The following EXOC1 variants were observed in gnomAD, a reference collection of about 807,000 sequenced individuals.
EXOC1 encodes exocyst complex component 1.
EXOC1 carries 67 observed loss-of-function variants against 107.7 expected under a neutral mutation model. That is an observed-to-expected ratio of 0.62 (90% confidence interval 0.51 to 0.76). EXOC1 has a LOEUF of 0.76. Ranked by LOEUF, EXOC1 falls within the 30% of genes least tolerant of loss-of-function variation. The pLI is 0.00. For synonymous variants in EXOC1, 348 were observed against 353.5 expected (o/e 0.98, Z 0.17); for missense variants, 833 against 1,055.7 (o/e 0.79, Z 2.92).
intron 1 of EXOC1, among the ~76,000 whole-genome samples, chr4:55,854,811 A>G (rs960919962): frequency 6.6e-6 from 1 of 152,220 alleles, no homozygotes; most frequent in Admixed American, 6.5e-5. Context: ...TTTACTATTC[A>G]GTTCTAATTA....
At chr4:55,880,680 T>G (rs1723305129) in intron 9 of EXOC1, among the ~76,000 whole-genome samples, 1 of 152,224 alleles carries the variant, frequency 6.6e-6, no homozygotes, top group Non-Finnish European at 1.5e-5. Flanking sequence ...TTGCCCTATC[T>G]TTATATATAA....
intron 5 of EXOC1, 98 bp downstream of exon 5, chr4:55,868,621 G>A (rs1722161975): frequency 4.9e-6 from 5 of 1,026,654 alleles, no homozygotes; most frequent in South Asian, 4.1e-5. Flanking sequence ...AGCCTTTATA[G>A]TGTGTTATTG....
chr4:55,864,124 C>T, intron 3 of EXOC1, 103 bp from the exon 4 acceptor site: 1 of 727,864 alleles, frequency 1.4e-6, no homozygotes, highest in Non-Finnish European at 2.2e-6. Flanking sequence ...ATTTTTAATA[C>T]TCTTCATTTT....
At chr4:55,881,349 CAT>C (rs956297531) in intron 9 of EXOC1, among the ~76,000 whole-genome samples, 2 of 152,154 alleles carry the variant, frequency 1.3e-5, no homozygotes, top group African/African-American at 4.8e-5. Context: ...AGATGACTCA[CAT>C]GTCTTCTCTC....
intron 8 of EXOC1, chr4:55,872,866 G>T: frequency 1.4e-6 from 1 of 726,334 alleles, no homozygotes; most frequent in Non-Finnish European, 1.7e-6. Flanking sequence ...TTTCTATAAA[G>T]TTTGCTAAAC....
At chr4:55,868,016 T>C (rs879447167) in intron 4 of EXOC1, among the ~76,000 whole-genome samples, 6 of 152,208 alleles carry the variant, frequency 3.9e-5, no homozygotes, top group Non-Finnish European at 4.4e-5. Context: ...TTAGGTTTGT[T>C]CCCACCTGTT....
intron 3 of EXOC1, among the ~76,000 whole-genome samples, chr4:55,862,521 T>C (rs1721572897): frequency 6.6e-6 from 1 of 152,236 alleles, no homozygotes; most frequent in African/African-American, 2.4e-5. Flanking sequence ...TCAAGTTTCA[T>C]ATTGGTTGCC....
At chr4:55,870,983 T>A in intron 6 of EXOC1, 78 bp downstream of exon 6, 1 of 1,546,388 alleles carries the variant, frequency 6.5e-7, no homozygotes, top group Non-Finnish European at 8.8e-7. Flanking sequence ...TTTTTTAATT[T>A]CCTTGTGAGA....
In EXOC1 at chr4:55,888,873, C is replaced by T. The variant is rs1322721005; in HGVS notation, c.1331-15C>T. On this transcript the variant is annotated splice_polypyrimidine_tract_variant and intron_variant, in intron 10 of 18. Coordinates refer to ENST00000381295, the MANE Select transcript of EXOC1 (RefSeq NM_001024924.2). Reference sequence around the variant, plus strand: ...TTGTCTTTGTCTTTGATGCTTGCAACCTAATCCATCACAGCTACACTGCCT... The same window carrying T: ...TTGTCTTTGTCTTTGATGCTTGCAATCTAATCCATCACAGCTACACTGCCT... 1.2e-6 allele frequency: 2 copies of T among 1,613,180 alleles called. No individual in the cohort carries two copies. Among genetic ancestry groups the T allele is most frequent in the Admixed American group, 3.3e-5 (2 of 59,942 alleles).
intron 2 of EXOC1, 91 bp from the exon 3 acceptor site, chr4:55,860,320 T>TA (rs1721355177): frequency 6.6e-7 from 1 of 1,505,434 alleles, no homozygotes. Context: ...TATCAGCTAC[T>TA]AGGCACCTGA....
In EXOC1 at chr4:55,899,666, T is replaced by G. The variant is rs1725667275; in HGVS notation, c.2138-19T>G. ...TCATACTCAGAGATGTTATTTTATT[T>G]TTTCTGTTTTGGTTTTAGTGGAGAA... On this transcript the variant is annotated intron_variant, in intron 16 of 18. Transcript: ENST00000381295. 1.9e-6 allele frequency: 3 copies of G among 1,595,288 alleles called. No homozygotes were observed. Among genetic ancestry groups the G allele is most frequent in the Non-Finnish European group, 2.6e-6 (3 of 1,172,428 alleles).
In EXOC1 at chr4:55,890,289, G is replaced by C; in HGVS notation, c.1442G>C (p.Ser481Thr). 2 of 1,614,064 alleles carry C rather than the reference G, an allele frequency of 1.2e-6. No homozygotes were observed. The highest frequency in any genetic ancestry group is 3.3e-5 in the Admixed American group (2 of 60,014). Reference sequence around the variant, plus strand: ...AGTCTAAATAAGCTCAGTGTTCAGAGTTCAGGGAATCGCAGATCTCAGTCA... The same window carrying C: ...AGTCTAAATAAGCTCAGTGTTCAGACTTCAGGGAATCGCAGATCTCAGTCA... ...TSSLNKLSVQ[S>T]SGNRRSQSSS... The change falls in exon 12 of 19, where the codon AGT becomes ACT. Residue 481 changes from serine (S) to threonine (T), a missense_variant. Around this residue, in one of 2 missense-constraint regions of EXOC1, gnomAD observed 617 missense variants for 701.3 expected, o/e 0.88. Coordinates refer to ENST00000381295, the MANE Select transcript of EXOC1 (RefSeq NM_001024924.2).
In EXOC1 at chr4:55,864,932, ACTTCTTGGG is replaced by A. The variant is rs1286907334; in HGVS notation, c.415+547_415+555del. Among the ~76,000 whole-genome samples the A allele has an allele frequency of 2.0e-5, 3 of 152,314 alleles. No homozygotes were observed. The East Asian group carries it at 5.8e-4, about 29-fold the overall frequency. On this transcript the variant is annotated intron_variant, in intron 4 of 18. Transcript: ENST00000381295. The stretch of plus-strand genomic sequence containing the variant: ...GTTAAGAACATAGCTCTGAAGTCAG[ACTTCTTGGG>A]TTCAAATCCTGGCTTTGCCACTAAC...
chr4:55,900,711 T>A (rs1447927925), intron 17 of EXOC1: 1 of 152,006 alleles, frequency 6.6e-6, no homozygotes, highest in Non-Finnish European at 1.5e-5. Flanking sequence ...CCGTCTTTAC[T>A]AAAAATGTAA....
Position 55,865,405 on chromosome 4 carries a change from A to G in EXOC1, c.415+1019A>G, listed in dbSNP as rs573788000. ...TGGCACTGGCAGAAACAAGTCACATATGTCAGCCACCAGTAGTGCTGGTCT... is the reference window on the plus strand; with the variant it reads ...TGGCACTGGCAGAAACAAGTCACATGTGTCAGCCACCAGTAGTGCTGGTCT... On this transcript the variant is annotated intron_variant, in intron 4 of 18. Coordinates refer to ENST00000381295, the MANE Select transcript of EXOC1 (RefSeq NM_001024924.2). Among the ~76,000 whole-genome samples, 7 of 152,316 alleles carry G rather than the reference A, an allele frequency of 4.6e-5. No individual in the cohort carries two copies. The South Asian group carries it at 1.2e-3, about 27-fold the overall frequency.
chr4:55,883,189 C>G (rs1450230957), intron 9 of EXOC1: 1 of 151,850 alleles, frequency 6.6e-6, no homozygotes, highest in Non-Finnish European at 1.5e-5. Context: ...GAGTAATATC[C>G]CAAGCTGGCA....
At chr4:55,889,771 T>C (rs1392894630) in intron 11 of EXOC1, among the ~76,000 whole-genome samples, 1 of 152,196 alleles carries the variant, frequency 6.6e-6, no homozygotes, top group Non-Finnish European at 1.5e-5. Context: ...ATTGATTTAT[T>C]GTGGAGGTAA....
At position 55,899,897 on chromosome 4, in the gene EXOC1, TC is replaced by T; in HGVS notation, c.2337+14del. On this transcript the variant is annotated intron_variant, in intron 17 of 18. Coordinates refer to ENST00000381295, the MANE Select transcript of EXOC1 (RefSeq NM_001024924.2). ...TGAAAAACTAAATGTAAATATATTT[TC>T]ATTCAGTATTTTTCCTACTTTTGAA... The T allele has an allele frequency of 6.3e-7, 1 of 1,588,916 alleles. No homozygotes were observed. Among genetic ancestry groups the T allele is most frequent in the Non-Finnish European group, 8.6e-7 (1 of 1,164,638 alleles).
At chr4:55,883,793 A>G in intron 9 of EXOC1, 30 bp from the exon 10 acceptor site, 1 of 1,364,030 alleles carries the variant, frequency 7.3e-7, no homozygotes. Flanking sequence ...TGTTTTATTA[A>G]TAAGAAGTAC....
Sources: allele counts gnomAD v4.1 joint callset (sites outside exome capture counted in the v4.1 genomes callset), GRCh38; gene constraint gnomAD v4.1.1; regional missense constraint gnomAD v4.1.1; transcripts MANE v1.5; gene names NCBI Gene and HGNC (gene_info 2026-07-23, HGNC 2026-07-21).